RSL24D1: variants seen among roughly 807,000 people sequenced by gnomAD.
The protein encoded by RSL24D1 is ribosomal L24 domain containing 1.
In RSL24D1, 6 loss-of-function variants were observed where a neutral mutation model predicts 26.2. The observed-to-expected ratio is 0.23, with a 90% CI of 0.13 to 0.45. The LOEUF (loss-of-function observed/expected upper bound fraction) is 0.45, where lower values mean the gene tolerates loss of function less well. RSL24D1 is among the 20% of genes least tolerant of loss of function. RSL24D1 has a pLI of 0.99. For synonymous variants in RSL24D1, 61 were observed against 59.1 expected (o/e 1.03, Z -0.15); for missense variants, 176 against 202.6 (o/e 0.87, Z 0.80).
intron 1 of RSL24D1, among the ~76,000 whole-genome samples, chr15:55,194,803 TACACACAC>T (rs143219738): frequency 0.11 from 15,931 of 146,994 alleles, 884 homozygotes; most frequent in South Asian, 0.16. Context: ...CCTCTGTCTC[TACACACAC>T]ACACACACAC....
In RSL24D1 at chr15:55,196,908, C is replaced by A; in HGVS notation, c.-18G>T. 1 of 1,612,192 alleles carries A rather than the reference C, an allele frequency of 6.2e-7. No homozygotes were observed. Among genetic ancestry groups the A allele is most frequent in the Non-Finnish European group, 8.5e-7 (1 of 1,178,384 alleles). On this transcript the variant is annotated 5_prime_UTR_variant, in exon 1 of 6. Coordinates refer to ENST00000260443, the MANE Select transcript of RSL24D1 (RefSeq NM_016304.3). The stretch of plus-strand genomic sequence containing the variant: ...ATACGCATGTTGAACCCGCGTGTAA[C>A]CCCACCAAACAAACGCCAAGCTTGA...
intron 3 of RSL24D1, 69 bp downstream of exon 3, chr15:55,190,906 C>A (rs3759862): frequency 0.21 from 203,815 of 966,304 alleles, 25,040 homozygotes; most frequent in African/African-American, 0.5. Flanking sequence ...AACAAACTGA[C>A]ACTTAAAGTT....
At chr15:55,186,612 A>T (rs935396580) in intron 3 of RSL24D1, among the ~76,000 whole-genome samples, 3 of 152,234 alleles carry the variant, frequency 2.0e-5, no homozygotes, top group African/African-American at 7.2e-5. Context: ...ATCATGAAAT[A>T]TAAGGACAAA....
At chr15:55,192,581 T>TTAGGA (rs1894309518) in intron 2 of RSL24D1, 139 bp downstream of exon 2, 1 of 539,322 alleles carries the variant, frequency 1.9e-6, no homozygotes, top group Non-Finnish European at 3.3e-6. Context: ...ATGAGATTAT[T>TTAGGA]TCCACAGCCA....
At position 55,184,863 on chromosome 15, in the gene RSL24D1, A is replaced by C. The variant is rs1286313552; in HGVS notation, c.332+499T>G. On this transcript the variant is annotated intron_variant, in intron 4 of 5. Transcript: ENST00000260443. ...ATGAGGAAGGTATCAGACAAACCCA[A>C]ATTGAAGAACGTTCTATACAATAAC... 3.3e-5 allele frequency among the ~76,000 whole-genome samples: 5 copies of C among 152,154 alleles called. No individual in the cohort carries two copies. The South Asian group carries it at 1.0e-3, about 32-fold the overall frequency.
At position 55,181,432 on chromosome 15, in the gene RSL24D1, C is replaced by T. The variant is rs1032107464; in HGVS notation, c.*720G>A. On this transcript the variant is annotated 3_prime_UTR_variant, in exon 6 of 6. Coordinates refer to ENST00000260443, the MANE Select transcript of RSL24D1 (RefSeq NM_016304.3). ...AAACCACATAACAACTTTTAAAAGG[C>T]GCTGGGATTCCTCTGCTTCTAGATC... The T allele has an allele frequency of 6.6e-6, 1 of 152,548 alleles. No individual in the cohort carries two copies. The highest frequency in any genetic ancestry group is 1.9e-4 in the East Asian group (1 of 5,186). The allele number at this position is 152,548 out of a possible 1,614,324, so 9.4% of individuals were successfully genotyped here.
rs145320361 is a variant in RSL24D1 at position 55,185,397 on chromosome 15, G to C, written c.297C>G (p.Ile99Met). 2.1e-5 allele frequency: 33 copies of C among 1,608,482 alleles called. No homozygotes were observed. Among genetic ancestry groups the C allele is most frequent in the Non-Finnish European group, 2.8e-5 (33 of 1,178,062 alleles). ...TIDAMKRVEE[I>M]KQKRQAKFIM... ...TAAATTTAGCTTGGCGCTTCTGTTT[G>C]ATTTCTTCAACTCTCTTCATCGCAT... is the stretch of plus-strand genomic sequence containing the variant. Residue 99 changes from isoleucine to methionine, a missense_variant, in exon 4 of 6, where the codon ATC (isoleucine) becomes ATG (methionine). Physicochemically the swap from Ile to Met is conservative, Grantham distance 10. This residue lies in a region of RSL24D1 where 89 missense variants were observed against 135.1 expected (regional missense o/e 0.66). Transcript: ENST00000260443.
At chr15:55,193,410 T>C (rs141913605) in intron 1 of RSL24D1, among the ~76,000 whole-genome samples, 1 of 152,344 alleles carries the variant, frequency 6.6e-6, no homozygotes, top group East Asian at 1.9e-4. Context: ...CTTCAACATG[T>C]CCCTGAAATG....
chr15:55,185,896 C>T (rs555845201), intron 3 of RSL24D1, among the ~76,000 whole-genome samples: 1 of 152,270 alleles, frequency 6.6e-6, no homozygotes, highest in Non-Finnish European at 1.5e-5. Flanking sequence ...CCACAAAAAT[C>T]CAACTGTTTT....
intron 1 of RSL24D1, among the ~76,000 whole-genome samples, chr15:55,194,593 T>C (rs1398294152): frequency 1.3e-5 from 2 of 152,172 alleles, no homozygotes; most frequent in Non-Finnish European, 2.9e-5. Flanking sequence ...TTCCACTAAT[T>C]CAACATTTAT....
intron 3 of RSL24D1, among the ~76,000 whole-genome samples, chr15:55,188,543 C>G (rs7173803): frequency 1.3e-5 from 2 of 152,002 alleles, no homozygotes; most frequent in Non-Finnish European, 2.9e-5. Context: ...GGGCAGAGAC[C>G]GTGTGTGACG....
chr15:55,189,916 G>A (rs1223472715), intron 3 of RSL24D1, among the ~76,000 whole-genome samples: 1 of 152,144 alleles, frequency 6.6e-6, no homozygotes, highest in African/African-American at 2.4e-5. Context: ...ACTAGAAATA[G>A]CTACAGGCTG....
At chr15:55,182,747 T>C (rs1894182469) in intron 5 of RSL24D1, among the ~76,000 whole-genome samples, 1 of 152,226 alleles carries the variant, frequency 6.6e-6, no homozygotes, top group Non-Finnish European at 1.5e-5. Context: ...CAAGTAGATC[T>C]ACACAAATGT....
rs1390710020 is a variant in RSL24D1 at position 55,181,395 on chromosome 15, C to G, written c.*757G>C. The G allele has an allele frequency of 6.6e-6, 1 of 152,552 alleles. No individual in the cohort carries two copies. Among genetic ancestry groups the G allele is most frequent in the South Asian group, 2.1e-4 (1 of 4,828 alleles). The allele number at this position is 152,552 out of a possible 1,614,324, so 9.4% of individuals were successfully genotyped here. A position where few individuals can be genotyped will look rare whatever the true frequency, so the allele number is the denominator to read the frequency against. On this transcript the variant is annotated 3_prime_UTR_variant, in exon 6 of 6. Transcript: ENST00000260443. Reference sequence around the variant, plus strand: ...AAATTCTACTTTCCAAAAACAGGAGCTTTTTAAAAGAAAACCACATAACAA... The same window carrying G: ...AAATTCTACTTTCCAAAAACAGGAGGTTTTTAAAAGAAAACCACATAACAA...
Position 55,181,867 on chromosome 15 carries a change from T to C in RSL24D1, c.*285A>G, listed in dbSNP as rs755601961. ...TAGTTACTATACAAATGCTGCCTAG[T>C]GCCATTATCCAAATAGCACAACCAT... On this transcript the variant is annotated 3_prime_UTR_variant, in exon 6 of 6. Transcript: ENST00000260443. The C allele has an allele frequency of 3.3e-6, 1 of 298,542 alleles. No individual in the cohort carries two copies. Among genetic ancestry groups the C allele is most frequent in the Non-Finnish European group, 6.2e-6 (1 of 160,950 alleles). 18.5% of individuals were successfully genotyped at this position (298,542 alleles called of 1,614,324 possible).
At chr15:55,188,543 C>T (rs7173803) in intron 3 of RSL24D1, among the ~76,000 whole-genome samples, 23,083 of 152,084 alleles carry the variant, frequency 0.15, 3,072 homozygotes, top group African/African-American at 0.36. Context: ...GGGCAGAGAC[C>T]GTGTGTGACG....
At chr15:55,195,535 G>C (rs1337040655) in intron 1 of RSL24D1, 1 of 152,078 alleles carries the variant, frequency 6.6e-6, no homozygotes, top group Non-Finnish European at 1.5e-5. Context: ...CAATACCCAG[G>C]TCTTGACAGT....
chr15:55,188,920 G>A (rs576878456), intron 3 of RSL24D1, among the ~76,000 whole-genome samples: 78 of 152,288 alleles, frequency 5.1e-4, no homozygotes, highest in Non-Finnish European at 7.9e-4. Context: ...GGCCAAGTGC[G>A]GAGGCTCACG....
At chr15:55,192,697 T>C (rs746390217) in intron 2 of RSL24D1, 23 bp downstream of exon 2, 4 of 1,522,468 alleles carry the variant, frequency 2.6e-6, no homozygotes, top group Non-Finnish European at 2.7e-6. Flanking sequence ...GTAAAAACTA[T>C]ATTGATAGCT....
Sources: allele counts gnomAD v4.1 joint callset (sites outside exome capture counted in the v4.1 genomes callset), GRCh38; gene constraint gnomAD v4.1.1; regional missense constraint gnomAD v4.1.1; transcripts MANE v1.5; gene names NCBI Gene and HGNC (gene_info 2026-07-23, HGNC 2026-07-21).